The following BMP8A variants were observed in gnomAD, a reference collection of about 807,000 sequenced individuals.
BMP8A encodes the protein bone morphogenetic protein 8a, also known as BMP-8A.
A neutral mutation model predicts 36.8 loss-of-function variants in BMP8A; 14 were observed. The observed-to-expected ratio is 0.38, with a 90% CI of 0.25 to 0.60. The LOEUF (loss-of-function observed/expected upper bound fraction) is 0.60, where lower values mean the gene tolerates loss of function less well. Ranked by LOEUF, BMP8A falls within the 20% of genes least tolerant of loss-of-function variation. The pLI, the probability that BMP8A is intolerant of heterozygous loss-of-function variation, is 0.63. For missense variants in BMP8A, 267 were observed against 551.1 expected, an observed-to-expected ratio of 0.48 and a Z score of 5.16; for synonymous variants, 120 against 237.7, an observed-to-expected ratio of 0.50 and a Z score of 4.55.
chr1:39,511,917 GCTCTGCAGCCCCTGGGGCTT>G lies in BMP8A; in HGVS notation c.673+19_673+38del. The G allele has an allele frequency of 1.1e-6, 1 of 951,828 alleles. No individual in the cohort carries two copies. The highest frequency in any genetic ancestry group is 1.5e-6 in the Non-Finnish European group (1 of 645,698). The allele number at this position is 951,828 out of a possible 1,614,324, so 59.0% of individuals were successfully genotyped here. A position where few individuals can be genotyped will look rare whatever the true frequency, so the allele number is the denominator to read the frequency against. On this transcript the variant is annotated intron_variant, in intron 3 of 6. Transcript: ENST00000331593. Reference sequence around the variant, plus strand: ...GAGACTGAGGACGGTGAGGCTGGGGGCTCTGCAGCCCCTGGGGCTTCTCTGTGCCAGCACAGGCAGCGGTA... The same window carrying G: ...GAGACTGAGGACGGTGAGGCTGGGGGCTCTGTGCCAGCACAGGCAGCGGTA...
chr1:39,492,496 C>A (rs1395002858), intron 1 of BMP8A, among the ~76,000 whole-genome samples, 171 bp downstream of exon 1: 6 of 152,288 alleles, frequency 3.9e-5, no homozygotes, highest in Admixed American at 3.9e-4. Flanking sequence ...GTCATGGGGG[C>A]CCCCTGGGCT....
chr1:39,524,683 T>C lies in BMP8A; in HGVS notation c.1060-966T>C, dbSNP rs1645464467. Among the ~76,000 whole-genome samples, 2 of 152,016 alleles carry C rather than the reference T, an allele frequency of 1.3e-5. No homozygotes were observed. The highest frequency in any genetic ancestry group is 4.2e-4 in the South Asian group (2 of 4,816). ...CCCTGGGAAGGAGGGTGGATTTTAT[T>C]CCAAGCAACCCCAGAGGCTGTCAGA... On this transcript the variant is annotated intron_variant, in intron 6 of 6. Transcript: ENST00000331593. The surrounding 1 kb of genome is among the most constrained non-coding windows in gnomAD (Gnocchi z 4.0).
chr1:39,509,018 C>T (rs1252920139), intron 1 of BMP8A, among the ~76,000 whole-genome samples: 1 of 152,144 alleles, frequency 6.6e-6, no homozygotes, highest in Non-Finnish European at 1.5e-5. Context: ...GGAGGGAGGC[C>T]ACAGCACGGG....
chr1:39,504,121 G>A (rs1196450213), intron 1 of BMP8A, among the ~76,000 whole-genome samples: 1 of 152,212 alleles, frequency 6.6e-6, no homozygotes, highest in Non-Finnish European at 1.5e-5. Flanking sequence ...GCTCTGAGAA[G>A]GGCATATCAC....
intron 1 of BMP8A, among the ~76,000 whole-genome samples, chr1:39,508,958 A>G (rs920684994): frequency 1.3e-5 from 2 of 152,202 alleles, no homozygotes; most frequent in African/African-American, 4.8e-5. Context: ...AGGTCGGTTC[A>G]GTTGAGCAAA....
chr1:39,505,658 G>A (rs559973311), intron 1 of BMP8A, among the ~76,000 whole-genome samples: 21 of 152,198 alleles, frequency 1.4e-4, no homozygotes, highest in African/African-American at 4.8e-4. Context: ...AAATTGAGGG[G>A]CATGCTACAA....
intron 1 of BMP8A, among the ~76,000 whole-genome samples, chr1:39,509,745 T>G (rs1368994549): frequency 6.6e-6 from 1 of 152,194 alleles, no homozygotes. Flanking sequence ...CTGTGGTCAC[T>G]GAGCCCAGTA....
intron 1 of BMP8A, among the ~76,000 whole-genome samples, chr1:39,504,485 T>C (rs1227638425): frequency 2.0e-5 from 3 of 152,182 alleles, no homozygotes; most frequent in Non-Finnish European, 4.4e-5. Flanking sequence ...TGTTTGACTT[T>C]ACACAAACAT....
chr1:39,522,211 G>A (rs1367142070), intron 4 of BMP8A, 192 bp from the exon 5 acceptor site: 4 of 570,114 alleles, frequency 7.0e-6, no homozygotes, highest in Non-Finnish European at 9.2e-6. Flanking sequence ...GCCATTGGGA[G>A]CCATGGCAGG....
At position 39,527,956 on chromosome 1, in the gene BMP8A, G is replaced by A. The variant is rs1453126093; in HGVS notation, c.*2158G>A. On this transcript the variant is annotated 3_prime_UTR_variant, in exon 7 of 7. Coordinates refer to ENST00000331593, the MANE Select transcript of BMP8A (RefSeq NM_181809.4). ...GAGCCCCCTGCTGCCATAGGACTTGGGGCCTATCTGCCATTGCAGGACCTG... is the reference window on the plus strand; with the variant it reads ...GAGCCCCCTGCTGCCATAGGACTTGAGGCCTATCTGCCATTGCAGGACCTG... Among the ~76,000 whole-genome samples, 1 of 152,172 alleles carries A rather than the reference G, an allele frequency of 6.6e-6. No individual in the cohort carries two copies. Among genetic ancestry groups the A allele is most frequent in the African/African-American group, 2.4e-5 (1 of 41,448 alleles).
Position 39,523,041 on chromosome 1 carries a change from A to G in BMP8A, c.983A>G (p.Tyr328Cys), listed in dbSNP as rs750517066. 6.2e-7 allele frequency: 1 copy of G among 1,613,614 alleles called. No individual in the cohort carries two copies. Among genetic ancestry groups the G allele is most frequent in the Non-Finnish European group, 8.5e-7 (1 of 1,179,758 alleles). The change falls in exon 6 of 7, where the codon TAT becomes TGT. Residue 328 changes from tyrosine to cysteine, a missense_variant. Tyr to Cys is a radical substitution (Grantham distance 194). Coordinates refer to ENST00000331593, the MANE Select transcript of BMP8A (RefSeq NM_181809.4). ...WVIAPQGYSA[Y>C]YCEGECSFPL... is the part of the protein sequence containing the mutation. ...ATCGCCCCCCAAGGCTACTCAGCCT[A>G]TTACTGTGAGGGGGAGTGCTCCTTC...
At position 39,527,608 on chromosome 1, in the gene BMP8A, G is replaced by A. The variant is rs1197830879; in HGVS notation, c.*1810G>A. 2.0e-5 allele frequency among the ~76,000 whole-genome samples: 3 copies of A among 152,248 alleles called. No homozygotes were observed. Among genetic ancestry groups the A allele is most frequent in the African/African-American group, 2.4e-5 (1 of 41,460 alleles). On this transcript the variant is annotated 3_prime_UTR_variant, in exon 7 of 7. Coordinates refer to ENST00000331593, the MANE Select transcript of BMP8A (RefSeq NM_181809.4). The stretch of plus-strand genomic sequence containing the variant: ...CACCTGGACCAGGGAGGGCCTCCAT[G>A]TGCAAGCGCAGAGGAAGAGACCCTC...
intron 3 of BMP8A, among the ~76,000 whole-genome samples, chr1:39,514,666 C>A (rs1442361489): frequency 6.6e-5 from 10 of 152,056 alleles, no homozygotes; most frequent in Non-Finnish European, 1.2e-4. Flanking sequence ...TCCACTGGGG[C>A]AGGAGGGGAC....
chr1:39,494,448 T>TCCA (rs1046819028), intron 1 of BMP8A, among the ~76,000 whole-genome samples: 1 of 151,554 alleles, frequency 6.6e-6, no homozygotes, highest in Non-Finnish European at 1.5e-5. Context: ...ATTCCCGGGC[T>TCCA]CCAGCAATCT....
At position 39,492,240 on chromosome 1, in the gene BMP8A, C is replaced by T. The variant is rs543497730; in HGVS notation, c.249C>T (p.Ala83=). The change falls in exon 1 of 7, where the codon GCC becomes GCT. Residue 83 remains alanine (A), a synonymous_variant. Coordinates refer to ENST00000331593, the MANE Select transcript of BMP8A (RefSeq NM_181809.4). Reference sequence around the variant, plus strand: ...TCTTCATGCTGGACCTGTACCACGCCATGGCTGGCGACGACGACGAGGACG... The same window carrying T: ...TCTTCATGCTGGACCTGTACCACGCTATGGCTGGCGACGACGACGAGGACG... ...APLFMLDLYH[A]MAGDDDEDGA... is the part of the protein sequence containing the mutation. The T allele has an allele frequency of 7.7e-6, 12 of 1,557,300 alleles. No individual in the cohort carries two copies. Among genetic ancestry groups the T allele is most frequent in the East Asian group, 2.5e-5 (1 of 40,088 alleles).
rs930141021 is a variant in BMP8A at position 39,527,930 on chromosome 1, T to G, written c.*2132T>G. 2.0e-5 allele frequency among the ~76,000 whole-genome samples: 3 copies of G among 152,222 alleles called. No homozygotes were observed. Among genetic ancestry groups the G allele is most frequent in the African/African-American group, 7.2e-5 (3 of 41,464 alleles). On this transcript the variant is annotated 3_prime_UTR_variant, in exon 7 of 7. Coordinates refer to ENST00000331593, the MANE Select transcript of BMP8A (RefSeq NM_181809.4). ...TTCTCCCAGAGCTTGAGACATGGCCTGAGCCCCCTGCTGCCATAGGACTTG... is the reference window on the plus strand; with the variant it reads ...TTCTCCCAGAGCTTGAGACATGGCCGGAGCCCCCTGCTGCCATAGGACTTG...
At chr1:39,523,747 A>C in intron 6 of BMP8A, 1 of 1,274,010 alleles carries the variant, frequency 7.8e-7, no homozygotes, top group Non-Finnish European at 1.0e-6. Context: ...GCTGCTCACC[A>C]CTGAGTGCTC....
At chr1:39,518,237 TG>T (rs1645408220) in intron 3 of BMP8A, among the ~76,000 whole-genome samples, 1 of 149,398 alleles carries the variant, frequency 6.7e-6, no homozygotes, top group Non-Finnish European at 1.5e-5. Flanking sequence ...AAGTTCTCAC[TG>T]GTCAAGGACA....
chr1:39,506,112 A>G (rs1440058677), intron 1 of BMP8A, among the ~76,000 whole-genome samples: 1 of 152,128 alleles, frequency 6.6e-6, no homozygotes, highest in Non-Finnish European at 1.5e-5. Context: ...GGGGTCCTAG[A>G]TTGAATTCTT....
Sources: allele counts gnomAD v4.1 joint callset (sites outside exome capture counted in the v4.1 genomes callset), GRCh38; gene constraint gnomAD v4.1.1; non-coding constraint Gnocchi (gnomAD v3.1); transcripts MANE v1.5; gene names NCBI Gene and HGNC (gene_info 2026-07-23, HGNC 2026-07-21).